TNRC6A: variants seen among roughly 807,000 people sequenced by gnomAD.
The protein encoded by TNRC6A is trinucleotide repeat-containing gene 6A protein.
A neutral mutation model predicts 221.2 loss-of-function variants in TNRC6A; 44 were observed. The observed-to-expected ratio is 0.20, with a 90% CI of 0.16 to 0.26. The LOEUF is 0.26. Among genes scored for constraint, TNRC6A ranks in the 10% least tolerant of loss-of-function variants. The pLI is 1.00. For synonymous variants in TNRC6A, 847 were observed against 838.5 expected (o/e 1.01, Z -0.18); for missense variants, 2,199 against 2,404.4 (o/e 0.91, Z 1.79).
At chr16:24,677,177 T>C (rs1312723372) in intron 2 of TNRC6A, among the ~76,000 whole-genome samples, 5 of 151,156 alleles carry the variant, frequency 3.3e-5, no homozygotes, top group Non-Finnish European at 4.4e-5. Context: ...TTTTTTTTTT[T>C]TCCCTGACAG....
At chr16:24,719,177 C>T (rs2151081254) in intron 2 of TNRC6A, among the ~76,000 whole-genome samples, 1 of 152,138 alleles carries the variant, frequency 6.6e-6, no homozygotes, top group South Asian at 2.1e-4. Flanking sequence ...GATGACTAGG[C>T]AGATATGGCC....
intron 7 of TNRC6A, 107 bp from the exon 8 acceptor site, chr16:24,794,435 CGT>C: frequency 9.0e-7 from 1 of 1,114,316 alleles, no homozygotes; most frequent in Non-Finnish European, 1.3e-6. Context: ...TAAGTGTGCA[CGT>C]GTGTGTTTTC....
chr16:24,818,465 T>G (rs1425088262), intron 20 of TNRC6A, 128 bp from the exon 21 acceptor site: 1 of 722,206 alleles, frequency 1.4e-6, no homozygotes, highest in East Asian at 2.7e-5. Context: ...GGGCACCATC[T>G]TACCCTGAGT....
intron 2 of TNRC6A, among the ~76,000 whole-genome samples, chr16:24,648,327 A>G (rs1902405756): frequency 7.9e-6 from 1 of 126,300 alleles, no homozygotes; most frequent in Non-Finnish European, 1.6e-5. Context: ...GCTGGAGTGC[A>G]GTGGCACAAT....
intron 17 of TNRC6A, among the ~76,000 whole-genome samples, 176 bp from the exon 18 acceptor site, chr16:24,809,174 A>T (rs1040973767): frequency 5.9e-5 from 9 of 152,226 alleles, no homozygotes; most frequent in African/African-American, 9.6e-5. Flanking sequence ...GGAGTTTTAA[A>T]TAAATCATCA....
intron 2 of TNRC6A, among the ~76,000 whole-genome samples, chr16:24,687,934 C>A (rs1228161610): frequency 1.6e-5 from 2 of 123,164 alleles, no homozygotes; most frequent in Admixed American, 8.7e-5. Context: ...CTTTTCTTTT[C>A]TTTTCTTTTC....
chr16:24,707,363 C>G (rs1315023409), intron 2 of TNRC6A, among the ~76,000 whole-genome samples: 1 of 151,824 alleles, frequency 6.6e-6, no homozygotes, highest in Non-Finnish European at 1.5e-5. Flanking sequence ...CACACACACA[C>G]ACACACACAC....
At chr16:24,641,524 A>T (rs1415144249) in intron 2 of TNRC6A, among the ~76,000 whole-genome samples, 1 of 152,172 alleles carries the variant, frequency 6.6e-6, no homozygotes, top group African/African-American at 2.4e-5. Context: ...GTCAGCAGTG[A>T]TGGTGGAAAA....
intron 2 of TNRC6A, among the ~76,000 whole-genome samples, chr16:24,742,930 CAAAT>C (rs984693499): frequency 1.3e-5 from 2 of 151,962 alleles, no homozygotes; most frequent in Non-Finnish European, 2.9e-5. Flanking sequence ...GATGCTGTCT[CAAAT>C]AAAATAAAAT....
At chr16:24,647,195 G>A (rs755369895) in intron 2 of TNRC6A, among the ~76,000 whole-genome samples, 3 of 152,168 alleles carry the variant, frequency 2.0e-5, no homozygotes, top group African/African-American at 4.8e-5. Flanking sequence ...GCCTCCCAAA[G>A]TGCTGGGATT....
chr16:24,612,449 G>A (rs918836856), intron 1 of TNRC6A, among the ~76,000 whole-genome samples: 1 of 151,048 alleles, frequency 6.6e-6, no homozygotes, highest in Admixed American at 6.6e-5. Context: ...AGACAGCTTC[G>A]AAAGAAAGCT....
intron 18 of TNRC6A, among the ~76,000 whole-genome samples, chr16:24,813,506 G>T (rs576132518): frequency 6.6e-6 from 1 of 152,302 alleles, no homozygotes; most frequent in South Asian, 2.1e-4. Flanking sequence ...AGACATGATC[G>T]CATTCTTTTT....
chr16:24,813,643 C>T (rs1481282926), intron 18 of TNRC6A, among the ~76,000 whole-genome samples: 2 of 152,134 alleles, frequency 1.3e-5, no homozygotes, highest in Non-Finnish European at 2.9e-5. Context: ...GCCATTACTG[C>T]CTTCATCACT....
chr16:24,656,152 A>AAAAG (rs1555485615), intron 2 of TNRC6A, among the ~76,000 whole-genome samples: 1 of 150,674 alleles, frequency 6.6e-6, no homozygotes, highest in Non-Finnish European at 1.5e-5. Context: ...AAAAAAAAAA[A>AAAAG]AAAAGAAAAG....
At chr16:24,745,530 G>A (rs2056986893) in intron 2 of TNRC6A, among the ~76,000 whole-genome samples, 1 of 152,212 alleles carries the variant, frequency 6.6e-6, no homozygotes, top group Non-Finnish European at 1.5e-5. Flanking sequence ...ACATACAGCT[G>A]GCTTCTATGT....
At chr16:24,671,385 T>G (rs1355924114) in intron 2 of TNRC6A, among the ~76,000 whole-genome samples, 1 of 152,154 alleles carries the variant, frequency 6.6e-6, no homozygotes, top group African/African-American at 2.4e-5. Context: ...TGAGACAAGT[T>G]TGCGCATTGA....
intron 5 of TNRC6A, among the ~76,000 whole-genome samples, chr16:24,782,267 T>A (rs2057866469): frequency 6.6e-6 from 1 of 152,188 alleles, no homozygotes; most frequent in African/African-American, 2.4e-5. Context: ...TCCCTACCAC[T>A]TTCACCCCAT....
chr16:24,804,962 A>T (rs572489015), intron 13 of TNRC6A, 52 bp from the exon 14 acceptor site: 39 of 1,614,046 alleles, frequency 2.4e-5, no homozygotes, highest in South Asian at 1.9e-4. Flanking sequence ...TGGTAATGAG[A>T]TGTTTGTCCC....
chr16:24,697,023 G>C (rs2055879083), intron 2 of TNRC6A, among the ~76,000 whole-genome samples: 1 of 152,190 alleles, frequency 6.6e-6, no homozygotes, highest in South Asian at 2.1e-4. Flanking sequence ...GCACTAGTTA[G>C]TGAGTGACTA....
Sources: allele counts gnomAD v4.1 joint callset (sites outside exome capture counted in the v4.1 genomes callset), GRCh38; gene constraint gnomAD v4.1.1; transcripts MANE v1.5; gene names NCBI Gene and HGNC (gene_info 2026-07-23, HGNC 2026-07-21).